The following DAB2IP variants were observed in gnomAD, a reference collection of about 807,000 sequenced individuals.
DAB2IP encodes the protein disabled homolog 2-interacting protein.
Under a neutral mutation model 107.2 loss-of-function variants are expected in DAB2IP, and 28 were observed. That is an observed-to-expected ratio of 0.26 (90% CI 0.19 to 0.36). The LOEUF (loss-of-function observed/expected upper bound fraction) is 0.36. DAB2IP is among the 10% of genes least tolerant of loss of function. The probability of loss-of-function intolerance (pLI) is 1.00; values close to 1 mark genes in which losing one functional copy is unlikely to be tolerated. For synonymous variants in DAB2IP, 755 were observed against 706.4 expected, an observed-to-expected ratio of 1.07 and a Z score of -1.09; for missense variants, 1,400 against 1,644.7, an observed-to-expected ratio of 0.85 and a Z score of 2.57.
At chr9:121,640,197 T>C (rs1238459511) in intron 1 of DAB2IP, among the ~76,000 whole-genome samples, 2 of 152,128 alleles carry the variant, frequency 1.3e-5, no homozygotes, top group East Asian at 1.9e-4. Flanking sequence ...TAGGGCTCCA[T>C]AGCCCAGCAG....
intron 1 of DAB2IP, among the ~76,000 whole-genome samples, chr9:121,596,557 T>C (rs1035473782): frequency 1.3e-5 from 2 of 152,182 alleles, no homozygotes; most frequent in African/African-American, 4.8e-5. Context: ...AGAAATTTGA[T>C]GTTCTGCAAC....
Position 121,599,370 on chromosome 9 carries a change from G to T in DAB2IP, c.40+32142G>T, listed in dbSNP as rs1830612662. Among the ~76,000 whole-genome samples, 1 of 152,130 alleles carries T rather than the reference G, an allele frequency of 6.6e-6. No homozygotes were observed. Among genetic ancestry groups the T allele is most frequent in the African/African-American group, 2.4e-5 (1 of 41,456 alleles). On this transcript the variant is annotated intron_variant, in intron 1 of 16. Transcript: ENST00000259371. The surrounding 1 kb of genome is among the most constrained non-coding windows in gnomAD (Gnocchi z 6.9). ...GAGGGCCTCGGCTCTGCCCAGTCCGGCCTGGGCGGGGCGGTGGTGGGGAGG... is the reference window on the plus strand; with the variant it reads ...GAGGGCCTCGGCTCTGCCCAGTCCGTCCTGGGCGGGGCGGTGGTGGGGAGG...
In DAB2IP at chr9:121,757,000, A is replaced by T; in HGVS notation, c.363-13A>T. ...CTGTGGGGGCCCACCTGACACACCTACTGCCACCCCAGGTCCCATCTGATG... is the reference window on the plus strand; with the variant it reads ...CTGTGGGGGCCCACCTGACACACCTTCTGCCACCCCAGGTCCCATCTGATG... On this transcript the variant is annotated splice_polypyrimidine_tract_variant and intron_variant, in intron 3 of 15. Transcript: ENST00000408936. 6.2e-7 allele frequency: 1 copy of T among 1,613,680 alleles called. No homozygotes were observed. The highest frequency in any genetic ancestry group is 8.5e-7 in the Non-Finnish European group (1 of 1,179,860).
intron 3 of DAB2IP, among the ~76,000 whole-genome samples, chr9:121,723,804 C>G (rs1487233696): frequency 6.6e-6 from 1 of 152,160 alleles, no homozygotes; most frequent in Non-Finnish European, 1.5e-5. Context: ...GAAGATTTGT[C>G]TACTTAGGCT....
chr9:121,593,907 A>C (rs1340392453), intron 1 of DAB2IP, among the ~76,000 whole-genome samples: 1 of 151,728 alleles, frequency 6.6e-6, no homozygotes, highest in Non-Finnish European at 1.5e-5. Flanking sequence ...ACCTCAGGTG[A>C]TCTGCCTGCC....
chr9:121,686,750 C>T (rs1300662326), intron 2 of DAB2IP, among the ~76,000 whole-genome samples: 2 of 152,178 alleles, frequency 1.3e-5, no homozygotes, highest in African/African-American at 4.8e-5. Context: ...TGTGAGGGCT[C>T]AGTGCCTGGC....
intron 3 of DAB2IP, among the ~76,000 whole-genome samples, chr9:121,729,743 TTTTGTTTTGTTTG>T (rs1444087746): frequency 6.6e-6 from 1 of 152,154 alleles, no homozygotes; most frequent in Non-Finnish European, 1.5e-5. Context: ...GGTGGAAAGT[TTTTGTTTTGTTTG>T]TTTGTTTAAA....
At chr9:121,600,126 A>G (rs1295620306) in intron 1 of DAB2IP, among the ~76,000 whole-genome samples, 1 of 152,014 alleles carries the variant, frequency 6.6e-6, no homozygotes, top group Non-Finnish European at 1.5e-5. Flanking sequence ...GGGGGGTGCC[A>G]GCCTACCGAT....
chr9:121,608,999 T>C (rs1830988545), intron 1 of DAB2IP, among the ~76,000 whole-genome samples: 1 of 152,220 alleles, frequency 6.6e-6, no homozygotes, highest in Non-Finnish European at 1.5e-5. Flanking sequence ...TAGAGTGCAG[T>C]GGCGCAATCT....
intron 1 of DAB2IP, among the ~76,000 whole-genome samples, chr9:121,582,877 C>T (rs1409452175): frequency 1.3e-5 from 2 of 152,230 alleles, no homozygotes; most frequent in African/African-American, 2.4e-5. Flanking sequence ...TGAATGAGTT[C>T]TTAGTGCAAT....
intron 11 of DAB2IP, 24 bp downstream of exon 11, chr9:121,770,748 G>T: frequency 6.2e-7 from 1 of 1,611,176 alleles, no homozygotes; most frequent in Non-Finnish European, 8.5e-7. Flanking sequence ...GCCATGTTGG[G>T]TGTGGTGGGT....
At chr9:121,663,040 G>T (rs1833271519) in intron 1 of DAB2IP, among the ~76,000 whole-genome samples, 1 of 152,224 alleles carries the variant, frequency 6.6e-6, no homozygotes. Context: ...AGAAGACTTT[G>T]GGCCGGTGAA....
At chr9:121,647,188 G>C (rs1832568322), upstream of DAB2IP, among the ~76,000 whole-genome samples, 4 of 152,248 alleles carry the variant, frequency 2.6e-5, no homozygotes, top group South Asian at 8.3e-4. Flanking sequence ...GGGGAGGCTG[G>C]TGTTTGAAGA....
At chr9:121,654,383 G>A (rs1397839349) in intron 1 of DAB2IP, among the ~76,000 whole-genome samples, 1 of 152,144 alleles carries the variant, frequency 6.6e-6, no homozygotes, top group Non-Finnish European at 1.5e-5. Context: ...CTTGAGCCCA[G>A]GAGTTCAAGA....
intron 3 of DAB2IP, among the ~76,000 whole-genome samples, chr9:121,705,833 A>G (rs955206705): frequency 1.3e-5 from 2 of 152,206 alleles, no homozygotes; most frequent in African/African-American, 4.8e-5. Context: ...TCCAGGCCCC[A>G]TATTAGAATA....
chr9:121,687,056 C>A (rs1828921029), intron 2 of DAB2IP, among the ~76,000 whole-genome samples: 1 of 152,140 alleles, frequency 6.6e-6, no homozygotes, highest in Non-Finnish European at 1.5e-5. Context: ...TTGGGGGCAG[C>A]AGAGGGTAGC....
rs1269528837 is a variant in DAB2IP at position 121,766,476 on chromosome 9, TTGTC to T, written c.1461-13_1461-10del. The T allele has an allele frequency of 5.6e-6, 9 of 1,598,352 alleles. No homozygotes were observed. The highest frequency in any genetic ancestry group is 2.7e-5 in the African/African-American group (2 of 74,838). ...CCCTGCCTGACAGCCAAGCCCACCT[TTGTC>T]TGTCCCTACACAGTGTCTTCCCACG... On this transcript the variant is annotated splice_polypyrimidine_tract_variant and intron_variant, in intron 8 of 15. Transcript: ENST00000408936.
intron 2 of DAB2IP, among the ~76,000 whole-genome samples, chr9:121,681,485 C>T (rs1265010522): frequency 1.3e-5 from 2 of 152,132 alleles, no homozygotes; most frequent in African/African-American, 4.8e-5. Flanking sequence ...GGACTCAACT[C>T]GCAGTCCCAC....
At position 121,599,779 on chromosome 9, in the gene DAB2IP, G is replaced by T. The variant is rs1362322602; in HGVS notation, c.40+32551G>T. 6.6e-6 allele frequency among the ~76,000 whole-genome samples: 1 copy of T among 152,100 alleles called. No homozygotes were observed. Among genetic ancestry groups the T allele is most frequent in the African/African-American group, 2.4e-5 (1 of 41,438 alleles). ...CCCGCGCGTAGAGGTAAAAGCTGGG[G>T]GCCGCGGCTCAGGTGGAGGGGGGCT... On this transcript the variant is annotated intron_variant, in intron 1 of 16. Transcript: ENST00000259371. This position sits in a 1 kb window ranked among gnomAD's most constrained non-coding sequence, Gnocchi z 6.9.
Sources: allele counts gnomAD v4.1 joint callset (sites outside exome capture counted in the v4.1 genomes callset), GRCh38; gene constraint gnomAD v4.1.1; non-coding constraint Gnocchi (gnomAD v3.1); transcripts MANE v1.5; gene names NCBI Gene and HGNC (gene_info 2026-07-23, HGNC 2026-07-21).